Variants in ABHD18 observed in about 807,000 individuals in gnomAD.
The protein encoded by ABHD18 is abhydrolase domain containing 18.
Under a neutral mutation model 65.9 loss-of-function variants are expected in ABHD18, and 55 were observed. The observed-to-expected ratio is 0.84, with a 90% CI of 0.67 to 1.05. The LOEUF is 1.05. Ranked by LOEUF, ABHD18 falls within the 50% of genes least tolerant of loss-of-function variation. ABHD18 has a pLI of 0.00. For synonymous variants in ABHD18, 181 were observed against 180.2 expected, an observed-to-expected ratio of 1.00 and a Z score of -0.04; for missense variants, 533 against 558.5, an observed-to-expected ratio of 0.95 and a Z score of 0.46.
In ABHD18 at chr4:128,017,465, C is replaced by A. The variant is rs547260069; in HGVS notation, c.573C>A (p.Gly191=). The change falls in exon 8 of 13, where the codon GGC becomes GGA. Residue 191 remains glycine (G), a synonymous_variant. Transcript: ENST00000645843. The part of the protein sequence containing the change: ...LLHWLEREGY[G]PLGMTGISMG... ...ACTGGCTAGAGAGGGAAGGTTACGGCCCTTTAGGAATGACTGGAATATCCA... is the reference window on the plus strand; with the variant it reads ...ACTGGCTAGAGAGGGAAGGTTACGGACCTTTAGGAATGACTGGAATATCCA... The A allele has an allele frequency of 3.7e-6, 6 of 1,613,360 alleles. No individual in the cohort carries two copies. In the South Asian group the frequency reaches 6.6e-5, roughly 18 times the overall value.
chr4:127,993,881 A>G (rs1751321704), intron 4 of ABHD18, among the ~76,000 whole-genome samples: 1 of 152,204 alleles, frequency 6.6e-6, no homozygotes, highest in Admixed American at 6.5e-5. Context: ...AAGTTGCTAA[A>G]CATGGAATTT....
chr4:127,987,246 G>A lies in ABHD18; in HGVS notation c.178-2475G>A, dbSNP rs1380893496. ...GCATGCCTGTAATCCCAGCTACTTG[G>A]GAGGCGGAGGCAGGAGAATTGCTTG... is the stretch of plus-strand genomic sequence containing the variant. On this transcript the variant is annotated intron_variant, in intron 3 of 12. Coordinates refer to ENST00000645843, the MANE Select transcript of ABHD18 (RefSeq NM_001358451.3). Among the ~76,000 whole-genome samples the A allele has an allele frequency of 3.9e-5, 6 of 152,146 alleles. No homozygotes were observed. In the East Asian group the frequency reaches 1.2e-3, roughly 29 times the overall value.
chr4:127,982,897 C>G, intron 1 of ABHD18, 42 bp from the exon 2 acceptor site: 1 of 1,115,936 alleles, frequency 9.0e-7, no homozygotes, highest in Non-Finnish European at 1.3e-6. Flanking sequence ...TACCTTGAAA[C>G]AAATAAAATA....
intron 4 of ABHD18, among the ~76,000 whole-genome samples, chr4:127,993,699 T>C (rs948772342): frequency 1.3e-4 from 20 of 152,206 alleles, no homozygotes; most frequent in African/African-American, 4.8e-4. Flanking sequence ...TCAGTGAATA[T>C]GCAGTTGGTT....
intron 12 of ABHD18, 36 bp from the exon 13 acceptor site, chr4:128,035,726 A>T (rs1170615537): frequency 1.6e-6 from 2 of 1,285,008 alleles, no homozygotes; most frequent in Admixed American, 2.3e-5. Flanking sequence ...CCTTTTTGTT[A>T]GTTACTTAGA....
chr4:127,968,696 C>T (rs1746157835), intron 1 of ABHD18, among the ~76,000 whole-genome samples: 1 of 152,142 alleles, frequency 6.6e-6, no homozygotes, highest in African/African-American at 2.4e-5. Context: ...TTCCCTTTCA[C>T]ATTGATAACT....
rs1278028666 is a variant in ABHD18 at position 127,990,409 on chromosome 4, A to C, written c.278+588A>C. On this transcript the variant is annotated intron_variant, in intron 4 of 12. Coordinates refer to ENST00000645843, the MANE Select transcript of ABHD18 (RefSeq NM_001358451.3). ...GAAACCCCATCTCTACTGAAAACAC[A>C]AACAATTAGCCAGGTGTGGTGGCAG... Among the ~76,000 whole-genome samples the C allele has an allele frequency of 5.9e-5, 9 of 152,086 alleles. 1 individual carries two copies. The highest frequency in any genetic ancestry group is 1.3e-4 in the Non-Finnish European group (9 of 68,016).
chr4:128,005,557 G>C (rs1342538800), intron 4 of ABHD18, among the ~76,000 whole-genome samples: 1 of 152,022 alleles, frequency 6.6e-6, no homozygotes. Flanking sequence ...TAAATTTCTG[G>C]GCTCCAGTGA....
intron 1 of ABHD18, among the ~76,000 whole-genome samples, chr4:127,980,707 C>A (rs886399275): frequency 6.6e-6 from 1 of 151,802 alleles, no homozygotes; most frequent in Admixed American, 6.6e-5. Flanking sequence ...TGCCTGTAGT[C>A]CCAGCTACTC....
intron 4 of ABHD18, among the ~76,000 whole-genome samples, chr4:128,006,788 A>T (rs78385906): frequency 0.11 from 17,459 of 152,306 alleles, 1,328 homozygotes; most frequent in South Asian, 0.22. Context: ...TCATACACTT[A>T]AAAATGGTTA....
intron 4 of ABHD18, among the ~76,000 whole-genome samples, chr4:128,000,536 C>T (rs1204319387): frequency 3.3e-5 from 5 of 152,080 alleles, no homozygotes; most frequent in African/African-American, 9.7e-5. Context: ...TTACTATAGC[C>T]TTGTGGTATA....
rs754575689 is a variant in ABHD18, at chr4:127,969,725, TTACTGTAAAA to T, written c.-18+4122_-18+4131del. Among the ~76,000 whole-genome samples, 21 of 152,120 alleles carry T rather than the reference TTACTGTAAAA, an allele frequency of 1.4e-4. No individual in the cohort carries two copies. The South Asian group carries it at 3.3e-3, about 24-fold the overall frequency. ...CATGAGCAGTATATTACTTTTCTTCTTACTGTAAAATATAGGTGTTGGAATTTTTTTTTTT... is the reference window on the plus strand; with the variant it reads ...CATGAGCAGTATATTACTTTTCTTCTTATAGGTGTTGGAATTTTTTTTTTT... On this transcript the variant is annotated intron_variant, in intron 1 of 12. Coordinates refer to ENST00000645843, the MANE Select transcript of ABHD18 (RefSeq NM_001358451.3).
intron 1 of ABHD18, among the ~76,000 whole-genome samples, chr4:127,981,566 A>G (rs1375664761): frequency 1.3e-5 from 2 of 152,216 alleles, no homozygotes; most frequent in Non-Finnish European, 2.9e-5. Context: ...AAAAAATCAT[A>G]CATATTCTTA....
At position 127,996,407 on chromosome 4, in the gene ABHD18, C is replaced by T. The variant is rs191413065; in HGVS notation, c.278+6586C>T. ...TAGGACCATGATGGCGACCCCGAGC[C>T]GCAAAATCAGCAAGTTTTTATTAGG... is the stretch of plus-strand genomic sequence containing the variant. On this transcript the variant is annotated intron_variant, in intron 4 of 12. Transcript: ENST00000645843. Among the ~76,000 whole-genome samples the T allele has an allele frequency of 4.4e-3, 669 of 151,812 alleles. 9 individuals carry two copies. The highest frequency in any genetic ancestry group is 0.015 in the African/African-American group (637 of 41,336).
intron 8 of ABHD18, among the ~76,000 whole-genome samples, chr4:128,019,339 C>G (rs1756076428): frequency 6.6e-6 from 1 of 152,172 alleles, no homozygotes; most frequent in Admixed American, 6.5e-5. Context: ...TCTAGCCCTA[C>G]TTACCTCCCT....
chr4:127,990,265 T>A (rs550976350), intron 4 of ABHD18, among the ~76,000 whole-genome samples: 1 of 152,320 alleles, frequency 6.6e-6, no homozygotes, highest in East Asian at 1.9e-4. Context: ...TTTTGGCTTT[T>A]AAATTTTTAG....
chr4:127,970,446 G>A (rs1301145515), intron 1 of ABHD18, among the ~76,000 whole-genome samples: 2 of 151,602 alleles, frequency 1.3e-5, no homozygotes, highest in Admixed American at 6.6e-5. Context: ...TACAAAATTA[G>A]CCAGGCGTGG....
intron 10 of ABHD18, among the ~76,000 whole-genome samples, chr4:128,023,353 G>A (rs1020622579): frequency 8.5e-6 from 1 of 117,918 alleles, no homozygotes. Flanking sequence ...ATCACTTGAA[G>A]CCAGGAGTTT....
intron 12 of ABHD18, among the ~76,000 whole-genome samples, chr4:128,033,797 A>G (rs1758549018): frequency 6.6e-6 from 1 of 151,626 alleles, no homozygotes; most frequent in Non-Finnish European, 1.5e-5. Context: ...CGGCCTCCCA[A>G]AGTTCTGGGA....
Sources: allele counts gnomAD v4.1 joint callset (sites outside exome capture counted in the v4.1 genomes callset), GRCh38; gene constraint gnomAD v4.1.1; transcripts MANE v1.5; gene names NCBI Gene and HGNC (gene_info 2026-07-23, HGNC 2026-07-21).